Variants in SLC25A13 observed in about 807,000 individuals in gnomAD.
The protein encoded by SLC25A13 is solute carrier family 25 member 13, also known as electrogenic aspartate/glutamate antiporter SLC25A13, mitochondrial.
In SLC25A13, 70 loss-of-function variants were observed where a neutral mutation model predicts 85.5. The observed-to-expected ratio is 0.82, with a 90% CI of 0.68 to 1.00. SLC25A13 has a LOEUF of 1.00. Among genes scored for constraint, SLC25A13 ranks in the 50% least tolerant of loss-of-function variants. SLC25A13 has a pLI of 0.00. For missense variants in SLC25A13, 765 were observed against 819.8 expected (o/e 0.93, Z 0.82); for synonymous variants, 259 against 288.7 (o/e 0.90, Z 1.04).
At chr7:96,260,165 G>C (rs894981806) in intron 3 of SLC25A13, among the ~76,000 whole-genome samples, 112 of 152,008 alleles carry the variant, frequency 7.4e-4, no homozygotes, top group African/African-American at 2.6e-3. Flanking sequence ...TAATAAACCT[G>C]CACGTTCTGC....
At position 96,171,505 on chromosome 7, in the gene SLC25A13, CAAT is replaced by C; in HGVS notation, c.1194_1196del (p.Leu399del). Reference sequence around the variant, plus strand: ...TTATGGCCTTCTCTGGGGCAACTCCCAATAACTGTGGCAACAGACCTAAAAATC... The same window carrying C: ...TTATGGCCTTCTCTGGGGCAACTCCCAACTGTGGCAACAGACCTAAAAATC... On this transcript the variant is annotated inframe_deletion, in exon 12 of 18. Coordinates refer to ENST00000265631, the MANE Select transcript of SLC25A13 (RefSeq NM_014251.3). 2 of 1,613,350 alleles carry C rather than the reference CAAT, an allele frequency of 1.2e-6. No individual in the cohort carries two copies. The highest frequency in any genetic ancestry group is 1.7e-6 in the Non-Finnish European group (2 of 1,179,436).
intron 3 of SLC25A13, among the ~76,000 whole-genome samples, chr7:96,244,912 T>C (rs73235915): frequency 0.038 from 5,721 of 152,324 alleles, 156 homozygotes; most frequent in Non-Finnish European, 0.058. Context: ...ATTTGGCCTA[T>C]AAATATCACC....
chr7:96,155,157 A>G (rs1793211176), intron 13 of SLC25A13, among the ~76,000 whole-genome samples: 1 of 152,110 alleles, frequency 6.6e-6, no homozygotes, highest in South Asian at 2.1e-4. Flanking sequence ...TATTGAGAGT[A>G]CATAGTTAAT....
At chr7:96,275,486 A>G (rs1798412655) in intron 3 of SLC25A13, among the ~76,000 whole-genome samples, 1 of 152,240 alleles carries the variant, frequency 6.6e-6, no homozygotes, top group Non-Finnish European at 1.5e-5. Flanking sequence ...GAATCAACCC[A>G]AATGTCCATC....
chr7:96,230,384 G>A lies in SLC25A13; in HGVS notation c.328+4418C>T, dbSNP rs191751863. Among the ~76,000 whole-genome samples the A allele has an allele frequency of 2.0e-4, 31 of 152,294 alleles. No individual in the cohort carries two copies. In the East Asian group the frequency reaches 4.6e-3, roughly 23 times the overall value. Reference sequence around the variant, plus strand: ...TACCATCCTCTTTCTGATCTGGCTCGTGGTAAGCAGATCCAGATGTAAAAG... The same window carrying A: ...TACCATCCTCTTTCTGATCTGGCTCATGGTAAGCAGATCCAGATGTAAAAG... On this transcript the variant is annotated intron_variant, in intron 4 of 17. Coordinates refer to ENST00000265631, the MANE Select transcript of SLC25A13 (RefSeq NM_014251.3).
At chr7:96,186,107 C>A (rs1425613143) in intron 9 of SLC25A13, among the ~76,000 whole-genome samples, 2 of 151,968 alleles carry the variant, frequency 1.3e-5, no homozygotes, top group Admixed American at 1.3e-4. Context: ...GTAATATACA[C>A]CCAAACCCTT....
At chr7:96,198,783 T>C (rs1432010406) in intron 5 of SLC25A13, among the ~76,000 whole-genome samples, 5 of 152,202 alleles carry the variant, frequency 3.3e-5, no homozygotes, top group Admixed American at 3.3e-4. Context: ...GATTTGAATA[T>C]ATAAATGAAG....
At chr7:96,312,080 C>T (rs1325081147) in intron 1 of SLC25A13, among the ~76,000 whole-genome samples, 1 of 152,194 alleles carries the variant, frequency 6.6e-6, no homozygotes, top group Non-Finnish European at 1.5e-5. Flanking sequence ...TTTTATTCTG[C>T]AGGCAACAGA....
intron 2 of SLC25A13, among the ~76,000 whole-genome samples, chr7:96,281,203 C>A (rs575716335): frequency 6.6e-6 from 1 of 152,098 alleles, no homozygotes; most frequent in South Asian, 2.1e-4. Context: ...CCAGCCTGGC[C>A]AACATGGTGA....
intron 3 of SLC25A13, among the ~76,000 whole-genome samples, chr7:96,268,795 C>G (rs1297951449): frequency 6.6e-6 from 1 of 152,178 alleles, no homozygotes; most frequent in African/African-American, 2.4e-5. Flanking sequence ...CCTCTCCCAC[C>G]ACCATGCCCT....
chr7:96,208,246 C>T (rs1274728232), intron 5 of SLC25A13, among the ~76,000 whole-genome samples: 1 of 152,164 alleles, frequency 6.6e-6, no homozygotes, highest in African/African-American at 2.4e-5. Context: ...GAGAAAATCA[C>T]TTGATTTCCC....
chr7:96,230,165 A>C (rs1796484969), intron 4 of SLC25A13, among the ~76,000 whole-genome samples: 1 of 152,262 alleles, frequency 6.6e-6, no homozygotes, highest in East Asian at 1.9e-4. Flanking sequence ...GTGAAGAAAA[A>C]CAAAAAATAC....
chr7:96,312,937 C>T (rs1800000096), intron 1 of SLC25A13, among the ~76,000 whole-genome samples: 1 of 152,224 alleles, frequency 6.6e-6, no homozygotes, highest in South Asian at 2.1e-4. Context: ...ACATCCAATT[C>T]AGGCTGATGG....
intron 2 of SLC25A13, among the ~76,000 whole-genome samples, chr7:96,292,799 A>G (rs1480042512): frequency 6.6e-6 from 1 of 152,256 alleles, no homozygotes. Context: ...CAAATGGAAG[A>G]ACATTCCATG....
chr7:96,282,711 GA>G (rs1461819753), intron 2 of SLC25A13, among the ~76,000 whole-genome samples: 1 of 152,034 alleles, frequency 6.6e-6, no homozygotes, highest in African/African-American at 2.4e-5. Flanking sequence ...ACATAAATCA[GA>G]AAAAAATGTA....
chr7:96,146,443 T>C, intron 14 of SLC25A13, 113 bp downstream of exon 14: 2 of 1,397,410 alleles, frequency 1.4e-6, no homozygotes, highest in Non-Finnish European at 2.0e-6. Context: ...GGGTAGAACA[T>C]CTTCTCCAGG....
intron 9 of SLC25A13, among the ~76,000 whole-genome samples, chr7:96,187,409 T>C (rs564448209): frequency 6.6e-6 from 1 of 152,350 alleles, no homozygotes; most frequent in African/African-American, 2.4e-5. Context: ...GAAATATGCC[T>C]CTTTAAGATA....
chr7:96,148,249 G>C (rs1425782378), intron 13 of SLC25A13, among the ~76,000 whole-genome samples: 1 of 152,216 alleles, frequency 6.6e-6, no homozygotes, highest in Non-Finnish European at 1.5e-5. Context: ...GAAGTAGAGT[G>C]TGAGATGATA....
Position 96,172,361 on chromosome 7 carries a change from C to T in SLC25A13, c.1178-837G>A, listed in dbSNP as rs1160551147. Among the ~76,000 whole-genome samples, 3 of 152,022 alleles carry T rather than the reference C, an allele frequency of 2.0e-5. No individual in the cohort carries two copies. In the South Asian group the frequency reaches 6.2e-4, roughly 32 times the overall value. ...TCATCTGAGGTCAGGAGTTCGAGAC[C>T]AGCCTGACCAACAAGGTGAAACCCT... On this transcript the variant is annotated intron_variant, in intron 11 of 17. Transcript: ENST00000265631.
Sources: allele counts gnomAD v4.1 joint callset (sites outside exome capture counted in the v4.1 genomes callset), GRCh38; gene constraint gnomAD v4.1.1; transcripts MANE v1.5; gene names NCBI Gene and HGNC (gene_info 2026-07-23, HGNC 2026-07-21).